TRPS1: variants seen among roughly 807,000 people sequenced by gnomAD.
The protein encoded by TRPS1 is transcriptional repressor GATA binding 1, also known as zinc finger transcription factor Trps1.
In TRPS1, 6 loss-of-function variants were observed where a neutral mutation model predicts 101.2. That is an observed-to-expected ratio of 0.06 (90% CI 0.03 to 0.12). The LOEUF is 0.12. Ranked by LOEUF, TRPS1 falls within the 10% of genes least tolerant of loss-of-function variation. The pLI, the probability that TRPS1 is intolerant of heterozygous loss-of-function variation, is 1.00. For synonymous variants in TRPS1, 578 were observed against 589.8 expected (o/e 0.98, Z 0.29); for missense variants, 1,363 against 1,567.0 (o/e 0.87, Z 2.20).
At chr8:115,611,180 C>T (rs1411213166) in intron 3 of TRPS1, among the ~76,000 whole-genome samples, 2 of 147,478 alleles carry the variant, frequency 1.4e-5, no homozygotes, top group Non-Finnish European at 3.0e-5. Context: ...GAAAAATAAA[C>T]AAGACAAAAT....
chr8:115,564,948 G>T lies in TRPS1; in HGVS notation c.2700+22053C>A, dbSNP rs73703320. Among the ~76,000 whole-genome samples, 642 of 152,120 alleles carry T rather than the reference G, an allele frequency of 4.2e-3. 7 individuals carry two copies. Among genetic ancestry groups the T allele is most frequent in the African/African-American group, 0.015 (614 of 41,498 alleles). On this transcript the variant is annotated intron_variant, in intron 5 of 6. Transcript: ENST00000395715. Reference sequence around the variant, plus strand: ...CACTTGAAAAGACTGTCATTAAAAAGCCAAACACGTTTTTCTTCATACCCT... The same window carrying T: ...CACTTGAAAAGACTGTCATTAAAAATCCAAACACGTTTTTCTTCATACCCT...
intron 5 of TRPS1, among the ~76,000 whole-genome samples, chr8:115,575,479 T>C (rs1817297587): frequency 6.6e-6 from 1 of 152,176 alleles, no homozygotes; most frequent in Admixed American, 6.6e-5. Context: ...CGTTGAAAAC[T>C]TATTTTCTTC....
rs748127356 is a variant in TRPS1, at chr8:115,500,191, G to A, written c.2701-81739C>T. Among the ~76,000 whole-genome samples the A allele has an allele frequency of 3.3e-5, 5 of 151,936 alleles. No individual in the cohort carries two copies. The South Asian group carries it at 1.0e-3, about 32-fold the overall frequency. ...ATTATAGGCACGCAGCACCACGCCC[G>A]GCCAATTTTTGTAATTTTAGTAGAG... On this transcript the variant is annotated intron_variant, in intron 5 of 6. Transcript: ENST00000395715.
chr8:115,547,416 G>C (rs1586389211), intron 5 of TRPS1, among the ~76,000 whole-genome samples: 2 of 152,186 alleles, frequency 1.3e-5, no homozygotes, highest in East Asian at 3.9e-4. Flanking sequence ...CTTTAGCTGG[G>C]CCAGTGAAGC....
intron 5 of TRPS1, among the ~76,000 whole-genome samples, chr8:115,543,711 C>A (rs897182263): frequency 1.3e-5 from 2 of 151,914 alleles, no homozygotes; most frequent in Non-Finnish European, 2.9e-5. Context: ...AAAAATGAAC[C>A]AAAGCCAACA....
At chr8:115,519,785 A>G (rs1344585013) in intron 5 of TRPS1, among the ~76,000 whole-genome samples, 1 of 151,758 alleles carries the variant, frequency 6.6e-6, no homozygotes, top group African/African-American at 2.4e-5. Flanking sequence ...TACTAAAAAC[A>G]TAAGATTACA....
chr8:115,602,091 G>C (rs559728019), intron 4 of TRPS1, among the ~76,000 whole-genome samples: 146 of 152,190 alleles, frequency 9.6e-4, no homozygotes, highest in African/African-American at 3.3e-3. Context: ...TGCATCAATA[G>C]AAAAACCACT....
In TRPS1 at chr8:115,601,831, T is replaced by C. The variant is rs73365563; in HGVS notation, c.2096+2042A>G. Among the ~76,000 whole-genome samples, 859 of 152,248 alleles carry C rather than the reference T, an allele frequency of 5.6e-3. 7 individuals are homozygous for C. Among genetic ancestry groups the C allele is most frequent in the African/African-American group, 0.019 (808 of 41,546 alleles). On this transcript the variant is annotated intron_variant, in intron 4 of 6. Coordinates refer to ENST00000395715, the MANE Select transcript of TRPS1 (RefSeq NM_014112.5). ...AGTCAAAAACTCACAGGGATCTCATTTACATAAAGATACTCATTGAACTCC... is the reference window on the plus strand; with the variant it reads ...AGTCAAAAACTCACAGGGATCTCATCTACATAAAGATACTCATTGAACTCC...
At chr8:115,415,135 A>G in intron 6 of TRPS1, 51 bp from the exon 7 acceptor site, 1 of 1,528,472 alleles carries the variant, frequency 6.5e-7, no homozygotes, top group Non-Finnish European at 8.8e-7. Flanking sequence ...AAAATACATT[A>G]AAATGCATTA....
At chr8:115,642,946 A>C (rs1818937355) in intron 1 of TRPS1, among the ~76,000 whole-genome samples, 1 of 151,496 alleles carries the variant, frequency 6.6e-6, no homozygotes, top group South Asian at 2.1e-4. Flanking sequence ...GTTTGAGACT[A>C]CTAAAATAAA....
intron 5 of TRPS1, among the ~76,000 whole-genome samples, chr8:115,559,092 T>C (rs771874519): frequency 2.0e-5 from 3 of 152,154 alleles, no homozygotes; most frequent in Non-Finnish European, 4.4e-5. Context: ...TTCTTTAATG[T>C]TACTGCATCA....
Position 115,478,280 on chromosome 8 carries a change from G to A in TRPS1, c.2701-59828C>T, listed in dbSNP as rs192107464. Among the ~76,000 whole-genome samples, 4 of 152,174 alleles carry A rather than the reference G, an allele frequency of 2.6e-5. No individual in the cohort carries two copies. The East Asian group carries it at 7.7e-4, about 29-fold the overall frequency. On this transcript the variant is annotated intron_variant, in intron 5 of 6. Transcript: ENST00000395715. ...AGTGATGTTGAAATTCACATAATATGCTTATCGGAGATACGTATTTCTTCA... is the reference window on the plus strand; with the variant it reads ...AGTGATGTTGAAATTCACATAATATACTTATCGGAGATACGTATTTCTTCA...
chr8:115,444,263 C>T (rs953775490), intron 5 of TRPS1, among the ~76,000 whole-genome samples: 1 of 151,448 alleles, frequency 6.6e-6, no homozygotes, highest in African/African-American at 2.4e-5. Context: ...GATTTCTTAC[C>T]ATCATGTCTG....
rs1441631251 is a variant in TRPS1 at position 115,619,863 on chromosome 8, C to T, written c.235G>A (p.Asp79Asn). 2 of 1,614,074 alleles carry T rather than the reference C, an allele frequency of 1.2e-6. No homozygotes were observed. The highest frequency in any genetic ancestry group is 2.2e-5 in the East Asian group (1 of 44,892). Reference sequence around the variant, plus strand: ...TCCTTCTTACTGCTAGAAGATGGATCTTGAACATGCAAGCTATGTTCCTCC... The same window carrying T: ...TCCTTCTTACTGCTAGAAGATGGATTTTGAACATGCAAGCTATGTTCCTCC... ...HKEEHSLHVQ[D>N]PSSSSKKDLK... The change falls in exon 3 of 7, where the codon GAT (aspartate) becomes AAT (asparagine). Residue 79 changes from aspartate (D) to asparagine (N), a missense_variant. By Grantham distance (23) the Asp-to-Asn change is conservative (BLOSUM62 1). This residue lies in a region of TRPS1 where 1,020 missense variants were observed against 1,073.0 expected (regional missense o/e 0.95). Coordinates refer to ENST00000395715, the MANE Select transcript of TRPS1 (RefSeq NM_014112.5).
chr8:115,513,984 G>A (rs932823927), intron 5 of TRPS1, among the ~76,000 whole-genome samples: 14 of 151,584 alleles, frequency 9.2e-5, no homozygotes, highest in Non-Finnish European at 1.8e-4. Flanking sequence ...AAGACTATAC[G>A]TACCCTTAGT....
intron 5 of TRPS1, among the ~76,000 whole-genome samples, chr8:115,478,817 ATATATATG>A (rs1000014077): frequency 3.4e-5 from 5 of 148,162 alleles, no homozygotes; most frequent in Non-Finnish European, 5.9e-5. Context: ...AAAAAAGTAT[ATATATATG>A]TATATATGTA....
chr8:115,438,143 T>C (rs1813503044), intron 5 of TRPS1, among the ~76,000 whole-genome samples: 1 of 152,174 alleles, frequency 6.6e-6, no homozygotes, highest in South Asian at 2.1e-4. Context: ...TAGTACCATA[T>C]AGTTTTATAG....
intron 5 of TRPS1, among the ~76,000 whole-genome samples, chr8:115,472,950 T>C (rs755382321): frequency 3.9e-5 from 6 of 152,222 alleles, no homozygotes; most frequent in Non-Finnish European, 5.9e-5. Flanking sequence ...TCCATATCAC[T>C]ATCAGCATGT....
At chr8:115,537,998 T>C (rs1816363209) in intron 5 of TRPS1, among the ~76,000 whole-genome samples, 3 of 152,196 alleles carry the variant, frequency 2.0e-5, no homozygotes, top group Admixed American at 2.0e-4. Flanking sequence ...GGTTAAAATC[T>C]CCCCATCAGC....
Sources: gnomAD v4.1 joint callset for allele counts (sites outside exome capture counted in the v4.1 genomes callset) on GRCh38, gnomAD v4.1.1 for gene constraint, gnomAD v4.1.1 regional missense constraint, MANE v1.5 for transcripts, NCBI Gene and HGNC (gene_info 2026-07-23, HGNC 2026-07-21) for gene names.